PDE4D: variants seen among roughly 807,000 people sequenced by gnomAD.
PDE4D encodes the protein phosphodiesterase 4D, also known as 3',5'-cyclic-AMP phosphodiesterase 4D.
In PDE4D, 24 loss-of-function variants were observed where a neutral mutation model predicts 87.4. That is an observed-to-expected ratio of 0.27 (90% CI 0.20 to 0.39). PDE4D has a LOEUF of 0.39. PDE4D is among the 10% of genes least tolerant of loss of function. PDE4D has a pLI of 1.00. For synonymous variants in PDE4D, 384 were observed against 383.2 expected (o/e 1.00, Z -0.02); for missense variants, 714 against 1,041.0 (o/e 0.69, Z 4.32).
intron 1 of PDE4D, among the ~76,000 whole-genome samples, chr5:60,258,094 A>T (rs1583232247): frequency 6.6e-6 from 1 of 152,018 alleles, no homozygotes; most frequent in African/African-American, 2.4e-5. Context: ...GAAAGAGGGG[A>T]CTGTTTAGTA....
chr5:60,461,157 A>T (rs1297264001), intron 1 of PDE4D, among the ~76,000 whole-genome samples: 1 of 152,228 alleles, frequency 6.6e-6, no homozygotes, highest in Non-Finnish European at 1.5e-5. Flanking sequence ...GCAGAAAATA[A>T]CATTATTTTC....
chr5:59,467,215 G>T (rs1801717559), intron 1 of PDE4D, among the ~76,000 whole-genome samples: 1 of 152,132 alleles, frequency 6.6e-6, no homozygotes, highest in African/African-American at 2.4e-5. Context: ...TGCAGTCTGT[G>T]GCACTTTGTT....
intron 1 of PDE4D, among the ~76,000 whole-genome samples, chr5:60,209,228 G>A (rs531002751): frequency 4.6e-4 from 62 of 133,764 alleles, no homozygotes; most frequent in African/African-American, 1.7e-3. Context: ...TGAGCAGGTC[G>A]CCTGGGTTGC....
intron 2 of PDE4D, among the ~76,000 whole-genome samples, chr5:59,203,011 A>G (rs1167863280): frequency 1.3e-5 from 2 of 152,186 alleles, no homozygotes; most frequent in African/African-American, 4.8e-5. Flanking sequence ...AAAACAAATA[A>G]CCTGATTTTA....
intron 3 of PDE4D, among the ~76,000 whole-genome samples, chr5:59,914,093 G>T (rs1343680589): frequency 6.7e-6 from 1 of 148,936 alleles, no homozygotes; most frequent in Non-Finnish European, 1.5e-5. Flanking sequence ...TGTGCAAACA[G>T]CTGTTAAATG....
chr5:59,131,083 G>T (rs891602143), intron 5 of PDE4D, among the ~76,000 whole-genome samples: 2 of 152,122 alleles, frequency 1.3e-5, no homozygotes, highest in Non-Finnish European at 2.9e-5. Context: ...TCTGCTCAAT[G>T]ATATTGTATT....
intron 1 of PDE4D, among the ~76,000 whole-genome samples, chr5:59,677,057 A>T (rs1748209683): frequency 6.6e-6 from 1 of 152,136 alleles, no homozygotes; most frequent in South Asian, 2.1e-4. Flanking sequence ...TTTAAAAGGA[A>T]AAAAAGAGAA....
At chr5:59,230,059 T>G (rs10061600) in intron 1 of PDE4D, among the ~76,000 whole-genome samples, 1 of 152,182 alleles carries the variant, frequency 6.6e-6, no homozygotes, top group Non-Finnish European at 1.5e-5. Flanking sequence ...AGTGCTGGGA[T>G]TATAGGCGTG....
intron 1 of PDE4D, among the ~76,000 whole-genome samples, chr5:59,462,517 C>T (rs1164020292): frequency 6.6e-6 from 1 of 152,300 alleles, no homozygotes; most frequent in Non-Finnish European, 1.5e-5. Flanking sequence ...ATGAGTACAA[C>T]CCCATATTAT....
At chr5:59,296,547 G>C (rs1050289708) in intron 1 of PDE4D, among the ~76,000 whole-genome samples, 2 of 152,158 alleles carry the variant, frequency 1.3e-5, no homozygotes, top group Non-Finnish European at 2.9e-5. Flanking sequence ...AATACCTACT[G>C]TCCACTGGGT....
At chr5:59,929,346 T>TA (rs1205093726) in intron 3 of PDE4D, among the ~76,000 whole-genome samples, 2 of 152,186 alleles carry the variant, frequency 1.3e-5, no homozygotes, top group African/African-American at 2.4e-5. Context: ...TTTTCAATTT[T>TA]AAAAAATACT....
At chr5:59,508,913 G>A (rs986613605) in intron 1 of PDE4D, among the ~76,000 whole-genome samples, 5 of 151,936 alleles carry the variant, frequency 3.3e-5, no homozygotes, top group African/African-American at 1.2e-4. Context: ...TGGAAAATAT[G>A]AAAGCAAGGT....
At chr5:59,616,451 A>T (rs2150089614) in intron 1 of PDE4D, among the ~76,000 whole-genome samples, 1 of 152,246 alleles carries the variant, frequency 6.6e-6, no homozygotes, top group Admixed American at 6.5e-5. Context: ...CAGATCTATG[A>T]TCCCTCAAAC....
At chr5:60,193,466 C>G (rs539234903) in intron 1 of PDE4D, among the ~76,000 whole-genome samples, 2 of 151,644 alleles carry the variant, frequency 1.3e-5, no homozygotes, top group East Asian at 1.9e-4. Flanking sequence ...GTCAGGAGAT[C>G]GAGACCATCC....
At position 59,706,877 on chromosome 5, in the gene PDE4D, A is replaced by G. The variant is rs150099739; in HGVS notation, c.455+186291T>C. ...GAGTGGTTTTCTTAAAACCTAAAGAAAATGGTATCCACATCAGTGATGCTC... is the reference window on the plus strand; with the variant it reads ...GAGTGGTTTTCTTAAAACCTAAAGAGAATGGTATCCACATCAGTGATGCTC... On this transcript the variant is annotated intron_variant, in intron 1 of 14. Transcript: ENST00000340635. 8.7e-4 allele frequency among the ~76,000 whole-genome samples: 132 copies of G among 152,266 alleles called. 1 individual carries two copies. The East Asian group carries it at 0.021, about 24-fold the overall frequency.
Position 59,636,100 on chromosome 5 carries a change from C to G in PDE4D, c.455+257068G>C, listed in dbSNP as rs149171253. Among the ~76,000 whole-genome samples the G allele has an allele frequency of 7.2e-5, 11 of 152,224 alleles. No homozygotes were observed. In the East Asian group the frequency reaches 7.7e-4, roughly 11 times the overall value. On this transcript the variant is annotated intron_variant, in intron 1 of 14. Coordinates refer to ENST00000340635, the MANE Select transcript of PDE4D (RefSeq NM_001104631.2). ...TTCCTATACACAAATAATAGACAAACAGCCAAATCATGAGCAAACTCCCAT... is the reference window on the plus strand; with the variant it reads ...TTCCTATACACAAATAATAGACAAAGAGCCAAATCATGAGCAAACTCCCAT...
intron 1 of PDE4D, among the ~76,000 whole-genome samples, chr5:60,507,118 C>T (rs1006008186): frequency 4.0e-5 from 6 of 151,830 alleles, no homozygotes; most frequent in Admixed American, 1.3e-4. Flanking sequence ...TTCACCCTGT[C>T]GCCCAGGCTG....
At chr5:59,583,059 G>A (rs1039685091) in intron 1 of PDE4D, among the ~76,000 whole-genome samples, 1 of 152,248 alleles carries the variant, frequency 6.6e-6, no homozygotes, top group African/African-American at 2.4e-5. Flanking sequence ...TTAAAAGGAT[G>A]CAAAGGTATT....
intron 2 of PDE4D, among the ~76,000 whole-genome samples, chr5:60,177,512 T>G (rs927973617): frequency 2.6e-5 from 4 of 152,176 alleles, no homozygotes; most frequent in Non-Finnish European, 5.9e-5. Flanking sequence ...GCAATGAATG[T>G]CCGACAAACA....
Sources: gnomAD v4.1 joint callset for allele counts (sites outside exome capture counted in the v4.1 genomes callset) on GRCh38, gnomAD v4.1.1 for gene constraint, MANE v1.5 for transcripts, NCBI Gene and HGNC (gene_info 2026-07-23, HGNC 2026-07-21) for gene names.